Variants in CDCP1 observed in about 807,000 individuals in gnomAD.
CDCP1 encodes CUB domain-containing protein 1.
In CDCP1, 29 loss-of-function variants were observed where a neutral mutation model predicts 60.2. The ratio of observed to expected loss-of-function variants is 0.48; its 90% CI spans 0.36 to 0.66. CDCP1 has a LOEUF of 0.66. CDCP1 is among the 30% of genes least tolerant of loss of function. The pLI is 0.00. For synonymous variants in CDCP1, 387 were observed against 431.1 expected (o/e 0.90, Z 1.27); for missense variants, 876 against 1,074.3 (o/e 0.82, Z 2.58).
chr3:45,102,259 T>C (rs1698494602), intron 4 of CDCP1, among the ~76,000 whole-genome samples: 1 of 152,002 alleles, frequency 6.6e-6, no homozygotes, highest in Non-Finnish European at 1.5e-5. Flanking sequence ...TTTGTAGAGA[T>C]GGGGTTTCAC....
intron 2 of CDCP1, among the ~76,000 whole-genome samples, chr3:45,117,330 T>C (rs1698810044): frequency 6.6e-6 from 1 of 152,240 alleles, no homozygotes; most frequent in African/African-American, 2.4e-5. Context: ...ATCTATAGTT[T>C]ATTTAAGTAT....
intron 1 of CDCP1, among the ~76,000 whole-genome samples, chr3:45,140,948 T>TC (rs753398516): frequency 6.6e-6 from 1 of 152,276 alleles, no homozygotes; most frequent in Non-Finnish European, 1.5e-5. Context: ...CGCCTATAAT[T>TC]CCAGCACTTT....
At chr3:45,115,144 C>G (rs1698762094) in intron 2 of CDCP1, among the ~76,000 whole-genome samples, 1 of 148,896 alleles carries the variant, frequency 6.7e-6, no homozygotes, top group South Asian at 2.1e-4. Context: ...GTGGGAGGAT[C>G]ACCTGAGCCC....
chr3:45,092,748 T>G (rs1698317423), intron 6 of CDCP1, among the ~76,000 whole-genome samples: 1 of 152,210 alleles, frequency 6.6e-6, no homozygotes, highest in African/African-American at 2.4e-5. Context: ...AGACCTCATT[T>G]ACTGCCTCAG....
chr3:45,127,576 A>G (rs774679685), intron 1 of CDCP1, among the ~76,000 whole-genome samples: 2 of 152,212 alleles, frequency 1.3e-5, no homozygotes, highest in African/African-American at 4.8e-5. Context: ...GTTTGAGTCA[A>G]TTTCAACCAG....
At chr3:45,102,100 C>A (rs2125993584) in intron 4 of CDCP1, among the ~76,000 whole-genome samples, 1 of 151,974 alleles carries the variant, frequency 6.6e-6, no homozygotes, top group African/African-American at 2.4e-5. Context: ...GAGATGGAGT[C>A]TTGCTCTATT....
chr3:45,117,690 G>A (rs1288760077), intron 2 of CDCP1, among the ~76,000 whole-genome samples: 1 of 150,820 alleles, frequency 6.6e-6, no homozygotes, highest in Admixed American at 6.6e-5. Context: ...TGTGCCTCCT[G>A]AGTTCAAGTG....
intron 4 of CDCP1, among the ~76,000 whole-genome samples, chr3:45,107,741 G>T (rs1327862635): frequency 6.6e-6 from 1 of 152,120 alleles, no homozygotes; most frequent in Non-Finnish European, 1.5e-5. Flanking sequence ...ATCCATGCAG[G>T]CCAACTCCAG....
At chr3:45,094,938 T>TG (rs1178559900) in intron 5 of CDCP1, among the ~76,000 whole-genome samples, 1 of 147,136 alleles carries the variant, frequency 6.8e-6, no homozygotes, top group Non-Finnish European at 1.5e-5. Flanking sequence ...GCACTGTGGG[T>TG]GGGGTTTTTT....
rs750509372 is a variant in CDCP1, at chr3:45,086,081, T to C, written c.2082-14A>G. 7 of 1,610,348 alleles carry C rather than the reference T, an allele frequency of 4.3e-6. No individual in the cohort carries two copies. In the South Asian group the frequency reaches 6.6e-5, roughly 15 times the overall value. ...GTCTTCTTTTTCCTATTTGGAAAAA[T>C]GGAACAAGACAGAAGTCAGAAAGGC... On this transcript the variant is annotated splice_polypyrimidine_tract_variant and intron_variant, in intron 8 of 8. Transcript: ENST00000296129.
intron 7 of CDCP1, among the ~76,000 whole-genome samples, chr3:45,090,098 CTA>C (rs1698266646): frequency 6.6e-6 from 1 of 152,220 alleles, no homozygotes. Context: ...AGGATATAAT[CTA>C]TGAGTGTGGA....
chr3:45,085,333 C>T lies in CDCP1; in HGVS notation c.*305G>A, dbSNP rs1698169382. 3.2e-6 allele frequency: 1 copy of T among 311,384 alleles called. No homozygotes were observed. The highest frequency in any genetic ancestry group is 6.8e-5 in the East Asian group (1 of 14,656). 19.3% of individuals were successfully genotyped at this position (311,384 alleles called of 1,614,324 possible). A position where few individuals can be genotyped will look rare whatever the true frequency, so the allele number is the denominator to read the frequency against. ...TCTGTTTAACACTCTGAATCCAGGG[C>T]TTGCTGCAACCCTATGCTAGGTGAC... On this transcript the variant is annotated 3_prime_UTR_variant, in exon 9 of 9. Coordinates refer to ENST00000296129, the MANE Select transcript of CDCP1 (RefSeq NM_022842.5). The surrounding 1 kb of genome is among the most constrained non-coding windows in gnomAD (Gnocchi z 4.2).
chr3:45,118,891 G>A (rs1490933600), intron 1 of CDCP1, among the ~76,000 whole-genome samples: 1 of 152,326 alleles, frequency 6.6e-6, no homozygotes, highest in East Asian at 1.9e-4. Context: ...CATTCTAGAT[G>A]TCTTGAGCAG....
At chr3:45,087,785 C>T (rs4683041) in intron 8 of CDCP1, among the ~76,000 whole-genome samples, 41,491 of 151,870 alleles carry the variant, frequency 0.27, 6,751 homozygotes, top group East Asian at 0.73. Flanking sequence ...TTTGGGAGGC[C>T]GAGGCGGGTG....
intron 4 of CDCP1, among the ~76,000 whole-genome samples, chr3:45,097,691 A>G (rs1321654843): frequency 1.3e-5 from 2 of 152,300 alleles, no homozygotes; most frequent in East Asian, 1.9e-4. Flanking sequence ...AACAGGAACC[A>G]TATAATTGAT....
At chr3:45,113,879 C>G (rs115520416) in intron 2 of CDCP1, among the ~76,000 whole-genome samples, 59 of 152,330 alleles carry the variant, frequency 3.9e-4, no homozygotes, top group African/African-American at 1.4e-3. Context: ...ATGTTTATAT[C>G]AAGCCACCTC....
intron 6 of CDCP1, among the ~76,000 whole-genome samples, chr3:45,092,714 T>C (rs1431749024): frequency 1.3e-5 from 2 of 152,204 alleles, no homozygotes; most frequent in Non-Finnish European, 2.9e-5. Flanking sequence ...GTCAACCATG[T>C]AGAAGTCACG....
At chr3:45,126,598 T>A (rs1203679608) in intron 1 of CDCP1, among the ~76,000 whole-genome samples, 2 of 152,132 alleles carry the variant, frequency 1.3e-5, no homozygotes, top group Non-Finnish European at 2.9e-5. Flanking sequence ...AGACCACTGA[T>A]CTGCCTACCT....
chr3:45,103,778 A>G (rs1444600469), intron 4 of CDCP1, among the ~76,000 whole-genome samples: 1 of 152,206 alleles, frequency 6.6e-6, no homozygotes, highest in Non-Finnish European at 1.5e-5. Context: ...CTGCTATATT[A>G]TGGCACAGCA....
Sources: gnomAD v4.1 joint callset for allele counts (sites outside exome capture counted in the v4.1 genomes callset) on GRCh38, gnomAD v4.1.1 for gene constraint, Gnocchi (gnomAD v3.1) non-coding constraint, MANE v1.5 for transcripts, NCBI Gene and HGNC (gene_info 2026-07-23, HGNC 2026-07-21) for gene names.